PLCB3: variants seen among roughly 807,000 people sequenced by gnomAD.
The protein encoded by PLCB3 is phospholipase C beta 3, also known as 1-phosphatidylinositol 4,5-bisphosphate phosphodiesterase beta-3.
PLCB3 carries 54 observed loss-of-function variants against 152.1 expected under a neutral mutation model. That is an observed-to-expected ratio of 0.36 (90% CI 0.29 to 0.45). The LOEUF (loss-of-function observed/expected upper bound fraction) is 0.45, where lower values mean the gene tolerates loss of function less well. Among genes scored for constraint, PLCB3 ranks in the 20% least tolerant of loss-of-function variants. The pLI, the probability that PLCB3 is intolerant of heterozygous loss-of-function variation, is 1.00. For synonymous variants in PLCB3, 717 were observed against 698.7 expected, an observed-to-expected ratio of 1.03 and a Z score of -0.41; for missense variants, 1,248 against 1,687.5, an observed-to-expected ratio of 0.74 and a Z score of 4.56.
At position 64,262,015 on chromosome 11, in the gene PLCB3, C is replaced by T. The variant is rs977013116; in HGVS notation, c.1977C>T (p.Tyr659=). The change falls in exon 17 of 31, where the codon TAC becomes TAT. Residue 659 remains tyrosine (Y), a synonymous_variant. Coordinates refer to ENST00000279230, the MANE Select transcript of PLCB3 (RefSeq NM_000932.5). ...GCACCCGCGTGGACTCCTCCAACTACATGCCCCAGCTCTTCTGGAACGTAG... is the reference window on the plus strand; with the variant it reads ...GCACCCGCGTGGACTCCTCCAACTATATGCCCCAGCTCTTCTGGAACGTAG... The part of the protein sequence containing the change: ...PKGTRVDSSN[Y]MPQLFWNVGC... The T allele has an allele frequency of 1.2e-6, 2 of 1,614,084 alleles. No individual in the cohort carries two copies. The highest frequency in any genetic ancestry group is 2.7e-5 in the African/African-American group (2 of 74,938).
At chr11:64,256,997 C>CTTTTTTTTTTTTTT (rs5792316) in intron 10 of PLCB3, among the ~76,000 whole-genome samples, 1 of 61,560 alleles carries the variant, frequency 1.6e-5, no homozygotes, top group Non-Finnish European at 2.9e-5. Context: ...CTTCAGGGTC[C>CTTTTTTTTTTTTTT]TTTTTTTTTT....
intron 1 of PLCB3, among the ~76,000 whole-genome samples, chr11:64,253,828 C>G (rs547126960): frequency 3.9e-5 from 6 of 152,184 alleles, no homozygotes; most frequent in Non-Finnish European, 7.4e-5. Context: ...TGTTCTTCTA[C>G]GAGATGGGGA....
chr11:64,269,446 C>T (rs1437232511), downstream of PLCB3, among the ~76,000 whole-genome samples: 1 of 152,266 alleles, frequency 6.6e-6, no homozygotes, highest in Non-Finnish European at 1.5e-5. Flanking sequence ...TTTCCAGCGA[C>T]CGCGCTGCTG....
At chr11:64,254,609 A>G in intron 2 of PLCB3, 117 bp downstream of exon 2, 1 of 1,339,218 alleles carries the variant, frequency 7.5e-7, no homozygotes, top group Non-Finnish European at 1.1e-6. Context: ...CTGCCCAGAC[A>G]GGAAGTGCTC....
Position 64,265,447 on chromosome 11 carries a change from G to C in PLCB3, c.2980G>C (p.Asp994His). 6.2e-7 allele frequency: 1 copy of C among 1,610,180 alleles called. No individual in the cohort carries two copies. ...AGTCACCCTCACCCGCCGCCTGCTG[G>C]ATGGCCTGGCTCAGGCACAGGCTGA... ...KAVTLTRRLL[D>H]GLAQAQAEGR... The change falls in exon 25 of 31, where the codon GAT (aspartate) becomes CAT (histidine). Residue 994 changes from aspartate (D) to histidine (H), a missense_variant. Asp to His is a moderately conservative substitution (Grantham distance 81). Transcript: ENST00000279230.
chr11:64,254,324 A>C, intron 1 of PLCB3, 91 bp from the exon 2 acceptor site: 14 of 1,022,318 alleles, frequency 1.4e-5, no homozygotes, highest in Non-Finnish European at 2.0e-5. Flanking sequence ...CATGGGCAGG[A>C]ACTCTGGGGT....
chr11:64,265,269 G>T (rs749187272), intron 24 of PLCB3, 41 bp from the exon 25 acceptor site: 12 of 1,580,170 alleles, frequency 7.6e-6, no homozygotes, highest in Admixed American at 7.1e-5. Flanking sequence ...TGCCTTGCAG[G>T]TTCCCCCACC....
At chr11:64,265,683 C>T (rs1424363991) in intron 25 of PLCB3, among the ~76,000 whole-genome samples, 181 bp downstream of exon 25, 1 of 152,194 alleles carries the variant, frequency 6.6e-6, no homozygotes, top group African/African-American at 2.4e-5. Flanking sequence ...AGTGACATCT[C>T]TTTTGAAGTC....
At chr11:64,257,413 A>G (rs1264816370) in intron 10 of PLCB3, among the ~76,000 whole-genome samples, 2 of 152,096 alleles carry the variant, frequency 1.3e-5, no homozygotes, top group Admixed American at 1.3e-4. Context: ...CCACGTTTTG[A>G]GACCAGTCTG....
In PLCB3 at chr11:64,255,680, G is replaced by A. The variant is rs1444423739; in HGVS notation, c.598-41G>A. 1 of 1,607,878 alleles carries A rather than the reference G, an allele frequency of 6.2e-7. No individual in the cohort carries two copies. The highest frequency in any genetic ancestry group is 8.5e-7 in the Non-Finnish European group (1 of 1,175,672). Reference sequence around the variant, plus strand: ...GGTGGGCACCCACCCTTACGGGGCTGCCCGCCCCTGGCTTCTCACCCCACA... The same window carrying A: ...GGTGGGCACCCACCCTTACGGGGCTACCCGCCCCTGGCTTCTCACCCCACA... On this transcript the variant is annotated intron_variant, in intron 7 of 30. Transcript: ENST00000279230. This position sits in a 1 kb window ranked among gnomAD's most constrained non-coding sequence, Gnocchi z 6.8.
At chr11:64,269,450 G>A (rs141176750), downstream of PLCB3, among the ~76,000 whole-genome samples, 1 of 152,372 alleles carries the variant, frequency 6.6e-6, no homozygotes, top group Non-Finnish European at 1.5e-5. Flanking sequence ...CAGCGACCGC[G>A]CTGCTGCCAG....
Position 64,265,931 on chromosome 11 carries a change from G to C in PLCB3, c.3081G>C (p.Glu1027Asp), listed in dbSNP as rs1202156521. Residue 1027 changes from glutamate (E) to aspartate (D), a missense_variant, in exon 26 of 31, where the codon GAG becomes GAC. Coordinates refer to ENST00000279230, the MANE Select transcript of PLCB3 (RefSeq NM_000932.5). Reference protein sequence around the residue: ...DVEDTKEGEDEAKRYQEFQNR... With the variant: ...DVEDTKEGEDDAKRYQEFQNR... The stretch of plus-strand genomic sequence containing the variant: ...AGGACACGAAGGAGGGGGAGGACGA[G>C]GCAAAGCGGTATCAGGAGTTCCAGA... 1 of 1,613,560 alleles carries C rather than the reference G, an allele frequency of 6.2e-7. No individual in the cohort carries two copies. The highest frequency in any genetic ancestry group is 8.5e-7 in the Non-Finnish European group (1 of 1,180,020).
At position 64,266,368 on chromosome 11, in the gene PLCB3, C is replaced by T. The variant is rs749150328; in HGVS notation, c.3320C>T (p.Ser1107Leu). The change falls in exon 28 of 31, where the codon TCG becomes TTG. Residue 1107 changes from serine (S) to leucine (L), a missense_variant. Transcript: ENST00000279230. This position sits in a 1 kb window ranked among gnomAD's most constrained non-coding sequence, Gnocchi z 4.9. ...ILDRKRHNSI[S>L]EAKMRDKHKK... ...GACAGAAAGCGCCATAACAGCATCT[C>T]GGAGGCCAAGATGAGGGACAAGCAT... is the stretch of plus-strand genomic sequence containing the variant. 106 of 1,611,488 alleles carry T rather than the reference C, an allele frequency of 6.6e-5. 1 individual carries two copies. Among genetic ancestry groups the T allele is most frequent in the Middle Eastern group, 3.3e-4 (2 of 6,082 alleles).
chr11:64,263,442 G>C (rs2031952588), intron 19 of PLCB3, 56 bp from the exon 20 acceptor site: 1 of 1,115,918 alleles, frequency 9.0e-7, no homozygotes, highest in African/African-American at 1.6e-5. Flanking sequence ...GCTGTGGCCT[G>C]GTAGCCACAG....
chr11:64,257,008 T>TA (rs2031571509), intron 10 of PLCB3, among the ~76,000 whole-genome samples: 1 of 130,566 alleles, frequency 7.7e-6, no homozygotes, highest in African/African-American at 2.6e-5. Context: ...TTTTTTTTTT[T>TA]TTTTTTTTTT....
chr11:64,266,403 G>A lies in PLCB3; in HGVS notation c.3355G>A (p.Ala1119Thr). The A allele has an allele frequency of 1.9e-6, 3 of 1,604,688 alleles. No individual in the cohort carries two copies. The highest frequency in any genetic ancestry group is 2.6e-6 in the Non-Finnish European group (3 of 1,171,720). ...AKMRDKHKKE[A>T]ELTEINRRHI... ...GATGAGGGACAAGCATAAGAAGGAG[G>A]CGTAAGGGCACCGGGACCGGGGGCC... Residue 1119 changes from alanine to threonine, a missense_variant and splice_region_variant, in exon 28 of 31, where the codon GCG becomes ACG. This residue lies in a region of PLCB3 where 477 missense variants were observed against 489.6 expected (regional missense o/e 0.97). Transcript: ENST00000279230. This position sits in a 1 kb window ranked among gnomAD's most constrained non-coding sequence, Gnocchi z 4.9.
intron 17 of PLCB3, 82 bp from the exon 18 acceptor site, chr11:64,262,325 C>A: frequency 6.5e-7 from 1 of 1,532,658 alleles, no homozygotes; most frequent in Non-Finnish European, 8.9e-7. Context: ...TGGATGCCAT[C>A]TGACCTGATG....
At chr11:64,265,853 C>T in intron 25 of PLCB3, 33 bp from the exon 26 acceptor site, 3 of 1,606,022 alleles carry the variant, frequency 1.9e-6, no homozygotes, top group Middle Eastern at 2.2e-4. Context: ...ATGTGACGGG[C>T]CCAGGCATCA....
chr11:64,262,144 C>G, intron 17 of PLCB3, 68 bp downstream of exon 17: 1 of 1,594,146 alleles, frequency 6.3e-7, no homozygotes, highest in Admixed American at 1.7e-5. Context: ...CACGATCCTG[C>G]TGGTCTTGCC....
Sources: allele counts gnomAD v4.1 joint callset (sites outside exome capture counted in the v4.1 genomes callset), GRCh38; gene constraint gnomAD v4.1.1; regional missense constraint gnomAD v4.1.1; non-coding constraint Gnocchi (gnomAD v3.1); transcripts MANE v1.5; gene names NCBI Gene and HGNC (gene_info 2026-07-23, HGNC 2026-07-21).